MAPKAP1: variants seen among roughly 807,000 people sequenced by gnomAD.
MAPKAP1 encodes the protein target of rapamycin complex 2 subunit MAPKAP1.
Under a neutral mutation model 65.7 loss-of-function variants are expected in MAPKAP1, and 20 were observed. That is an observed-to-expected ratio of 0.30 (90% CI 0.21 to 0.44). The LOEUF (loss-of-function observed/expected upper bound fraction) is 0.44, where lower values mean the gene tolerates loss of function less well. Ranked by LOEUF, MAPKAP1 falls within the 20% of genes least tolerant of loss-of-function variation. The pLI, the probability that MAPKAP1 is intolerant of heterozygous loss-of-function variation, is 1.00. For missense variants in MAPKAP1, 423 were observed against 648.0 expected, an observed-to-expected ratio of 0.65 and a Z score of 3.77; for synonymous variants, 222 against 244.3, an observed-to-expected ratio of 0.91 and a Z score of 0.85.
chr9:125,633,202 G>A (rs1432096897), intron 4 of MAPKAP1, among the ~76,000 whole-genome samples: 1 of 152,220 alleles, frequency 6.6e-6, no homozygotes, highest in Non-Finnish European at 1.5e-5. Context: ...TCAATGCACA[G>A]CGCCAACAGA....
intron 7 of MAPKAP1, among the ~76,000 whole-genome samples, chr9:125,511,971 T>C (rs1263731773): frequency 1.3e-5 from 2 of 152,214 alleles, no homozygotes; most frequent in African/African-American, 4.8e-5. Context: ...AATATTGCTT[T>C]GGGCACTTTG....
chr9:125,494,559 T>A (rs1164322477), intron 8 of MAPKAP1, among the ~76,000 whole-genome samples: 1 of 152,180 alleles, frequency 6.6e-6, no homozygotes, highest in East Asian at 1.9e-4. Context: ...AGTTTCAGGT[T>A]TGTAGAATTT....
chr9:125,542,987 C>A (rs1830299105), intron 7 of MAPKAP1, 72 bp downstream of exon 7: 1 of 1,014,894 alleles, frequency 9.9e-7, no homozygotes, highest in Middle Eastern at 2.0e-4. Flanking sequence ...CCATCACACA[C>A]ACACACCCCC....
At chr9:125,578,430 AAAAT>A (rs1311366133) in intron 5 of MAPKAP1, among the ~76,000 whole-genome samples, 8 of 135,608 alleles carry the variant, frequency 5.9e-5, no homozygotes, top group Admixed American at 1.6e-4. Context: ...TGATCAATAA[AAAAT>A]AAATAAATAC....
At chr9:125,526,197 C>G (rs1210047401) in intron 7 of MAPKAP1, among the ~76,000 whole-genome samples, 1 of 152,226 alleles carries the variant, frequency 6.6e-6, no homozygotes, top group East Asian at 1.9e-4. Flanking sequence ...TGTCTGCATG[C>G]TGGCTCCATG....
At chr9:125,698,980 C>T (rs1016791867) in intron 1 of MAPKAP1, among the ~76,000 whole-genome samples, 1 of 152,172 alleles carries the variant, frequency 6.6e-6, no homozygotes, top group African/African-American at 2.4e-5. Context: ...CTTATTACAT[C>T]ATATTAACAT....
intron 5 of MAPKAP1, among the ~76,000 whole-genome samples, chr9:125,578,364 C>T (rs1831513814): frequency 6.6e-6 from 1 of 151,878 alleles, no homozygotes; most frequent in African/African-American, 2.4e-5. Context: ...CTGACCTTCC[C>T]TCCACTATTG....
chr9:125,644,604 T>C (rs1833673844), intron 4 of MAPKAP1, among the ~76,000 whole-genome samples: 1 of 152,252 alleles, frequency 6.6e-6, no homozygotes, highest in Admixed American at 6.5e-5. Context: ...TTTTAATAAG[T>C]GCTCTTTAAA....
At chr9:125,689,813 G>A (rs1301467679) in intron 1 of MAPKAP1, among the ~76,000 whole-genome samples, 2 of 148,278 alleles carry the variant, frequency 1.3e-5, no homozygotes, top group African/African-American at 2.5e-5. Flanking sequence ...CGGGCCAGGC[G>A]CGGTGGCTCA....
chr9:125,685,168 TCATGGCAGG>T, intron 1 of MAPKAP1, among the ~76,000 whole-genome samples: 1 of 152,060 alleles, frequency 6.6e-6, no homozygotes, highest in Middle Eastern at 3.4e-3. Flanking sequence ...AGTCCTGCCC[TCATGGCAGG>T]ACAAAGAAGT....
rs60166871 is a variant in MAPKAP1 at position 125,618,341 on chromosome 9, CAAAAAAAAAAAAAA to C, written c.499-32628_499-32615del. 2.4e-3 allele frequency among the ~76,000 whole-genome samples: 75 copies of C among 31,224 alleles called. 1 individual carries two copies. The highest frequency in any genetic ancestry group is 5.6e-3 in the Admixed American group (10 of 1,786). The allele number at this position is 31,224 out of a possible 152,430, so 20.5% of individuals were successfully genotyped here. ...TGGGTGACAGAGTGAGGCTCCGTCT[CAAAAAAAAAAAAAA>C]AAAAAAAAAAAAAAAAGGCAATAGG... On this transcript the variant is annotated intron_variant, in intron 4 of 11. Transcript: ENST00000265960.
At chr9:125,509,118 G>C (rs1448150788) in intron 7 of MAPKAP1, among the ~76,000 whole-genome samples, 1 of 152,038 alleles carries the variant, frequency 6.6e-6, no homozygotes, top group African/African-American at 2.4e-5. Flanking sequence ...AAACAAGCTA[G>C]AATAGTGGAC....
At chr9:125,442,503 C>T (rs920665551) in intron 11 of MAPKAP1, among the ~76,000 whole-genome samples, 7 of 149,568 alleles carry the variant, frequency 4.7e-5, no homozygotes, top group East Asian at 3.9e-4. Context: ...TACTAGAATC[C>T]TTCTCAAGTC....
chr9:125,508,817 C>T (rs758961149), intron 7 of MAPKAP1, among the ~76,000 whole-genome samples: 3 of 152,072 alleles, frequency 2.0e-5, no homozygotes, highest in Admixed American at 6.6e-5. Context: ...TGCCACTGCA[C>T]TAGAACCTAT....
At chr9:125,577,801 G>A (rs1377065646) in intron 5 of MAPKAP1, among the ~76,000 whole-genome samples, 4 of 149,638 alleles carry the variant, frequency 2.7e-5, no homozygotes, top group Non-Finnish European at 6.0e-5. Context: ...CCGTCCAGGA[G>A]GGAGGATGGG....
chr9:125,625,982 C>G (rs1053667040), intron 4 of MAPKAP1, among the ~76,000 whole-genome samples: 1 of 152,156 alleles, frequency 6.6e-6, no homozygotes, highest in Non-Finnish European at 1.5e-5. Flanking sequence ...TGAAGTCATA[C>G]TTAAGGTGTA....
intron 4 of MAPKAP1, among the ~76,000 whole-genome samples, chr9:125,611,872 C>G (rs1323353230): frequency 1.3e-5 from 2 of 152,078 alleles, no homozygotes; most frequent in Admixed American, 6.5e-5. Flanking sequence ...GAAATTCAAG[C>G]GTATTTCTGT....
At chr9:125,647,713 C>T (rs1833769342) in intron 4 of MAPKAP1, among the ~76,000 whole-genome samples, 2 of 152,148 alleles carry the variant, frequency 1.3e-5, no homozygotes, top group South Asian at 4.1e-4. Context: ...GGCAGTCAGC[C>T]CCATTTTATT....
chr9:125,458,746 G>C (rs967258951), intron 10 of MAPKAP1, among the ~76,000 whole-genome samples: 3 of 149,214 alleles, frequency 2.0e-5, no homozygotes, highest in African/African-American at 7.4e-5. Context: ...CCTCCCAGAT[G>C]GTGTGGTGGC....
Sources: allele counts gnomAD v4.1 joint callset (sites outside exome capture counted in the v4.1 genomes callset), GRCh38; gene constraint gnomAD v4.1.1; transcripts MANE v1.5; gene names NCBI Gene and HGNC (gene_info 2026-07-23, HGNC 2026-07-21).